Variants in NLRP1 observed in about 807,000 individuals in gnomAD.
The protein encoded by NLRP1 is NACHT, LRR and PYD domains-containing protein 1.
Under a neutral mutation model 136.7 loss-of-function variants are expected in NLRP1, and 94 were observed. The observed-to-expected ratio is 0.69, with a 90% CI of 0.58 to 0.82. NLRP1 has a LOEUF of 0.82. Ranked by LOEUF, NLRP1 falls within the 40% of genes least tolerant of loss-of-function variation. NLRP1 has a pLI of 0.00. For missense variants in NLRP1, 1,575 were observed against 1,802.7 expected, an observed-to-expected ratio of 0.87 and a Z score of 2.29; for synonymous variants, 690 against 725.1, an observed-to-expected ratio of 0.95 and a Z score of 0.78.
At position 5,558,822 on chromosome 17, in the gene NLRP1, CA is replaced by C; in HGVS notation, c.1873del (p.Cys625ValfsTer27). ...IPLSYSFIHL[C>X]FQEFFAAMSY... The stretch of plus-strand genomic sequence containing the variant: ...CATTGCTGCAAAGAACTCTTGGAAA[CA>C]GAGGTGAATGAAGCTGTAGCTCAGA... On this transcript the variant is annotated frameshift_variant, in exon 4 of 17. Transcript: ENST00000572272. LOFTEE classifies it high-confidence loss of function. The C allele has an allele frequency of 6.2e-7, 1 of 1,614,214 alleles. No individual in the cohort carries two copies. Among genetic ancestry groups the C allele is most frequent in the African/African-American group, 1.3e-5 (1 of 75,056 alleles).
chr17:5,530,661 C>A lies in NLRP1; in HGVS notation c.3340G>T (p.Gly1114Cys), dbSNP rs757904290. 12 of 1,614,068 alleles carry A rather than the reference C, an allele frequency of 7.4e-6. No homozygotes were observed. In the East Asian group the frequency reaches 2.2e-4, roughly 30 times the overall value. The change falls in exon 12 of 17, where the codon GGT (glycine) becomes TGT (cysteine). Residue 1114 changes from glycine (G) to cysteine (C), a missense_variant. Physicochemically the swap from Gly to Cys is radical, Grantham distance 159. Transcript: ENST00000572272. ...VAGSYRWPNT[G>C]LCFVMREAVT... ...GCTTCTCTCATCACAAAGCAGAGAC[C>A]CGTGTTGGGCCAGCGGTAGGAGCCA...
chr17:5,553,794 C>T (rs962541603), intron 4 of NLRP1, among the ~76,000 whole-genome samples: 1 of 152,068 alleles, frequency 6.6e-6, no homozygotes, highest in Non-Finnish European at 1.5e-5. Context: ...GAAGTGTTCA[C>T]CTTGTGTGTC....
At chr17:5,510,417 T>A (rs1907565662), downstream of NLRP1, among the ~76,000 whole-genome samples, 1 of 151,476 alleles carries the variant, frequency 6.6e-6, no homozygotes, top group South Asian at 2.1e-4. Flanking sequence ...TGGAGGGCAA[T>A]GGCGTGATCT....
At chr17:5,562,803 T>C (rs10445294) in intron 3 of NLRP1, among the ~76,000 whole-genome samples, 10,053 of 152,236 alleles carry the variant, frequency 0.066, 427 homozygotes, top group African/African-American at 0.11. Flanking sequence ...GTGCCATGTG[T>C]GAGTGAGCAC....
downstream of NLRP1, among the ~76,000 whole-genome samples, chr17:5,510,070 C>CTTTTTTT (rs749349135): frequency 1.3e-5 from 2 of 148,524 alleles, no homozygotes; most frequent in Non-Finnish European, 1.5e-5. Flanking sequence ...TATTCTTCTT[C>CTTTTTTT]TTCTTTTTTT....
At chr17:5,530,433 G>T in intron 12 of NLRP1, 48 bp downstream of exon 12, 1 of 1,524,674 alleles carries the variant, frequency 6.6e-7, no homozygotes, top group Non-Finnish European at 9.1e-7. Flanking sequence ...CTCCCTTTCA[G>T]GCCCATAATT....
rs116415811 is a variant in NLRP1 at position 5,553,108 on chromosome 17, C to A, written c.2528+278G>T. 9.7e-3 allele frequency among the ~76,000 whole-genome samples: 1,473 copies of A among 152,300 alleles called. 27 individuals are homozygous for A. The highest frequency in any genetic ancestry group is 0.032 in the African/African-American group (1,346 of 41,562). ...CTGCCTTCTCCACAGAGCCTTTGTA[C>A]ATGCTATTCTCTTTTCCTGGAACTT... On this transcript the variant is annotated intron_variant, in intron 5 of 16. Transcript: ENST00000572272.
At chr17:5,552,363 T>C (rs1030633246) in intron 5 of NLRP1, among the ~76,000 whole-genome samples, 1 of 152,222 alleles carries the variant, frequency 6.6e-6, no homozygotes, top group African/African-American at 2.4e-5. Context: ...GAATATACTT[T>C]GTATGATTTC....
In NLRP1 at chr17:5,581,922, T is replaced by C; in HGVS notation, c.589A>G (p.Arg197Gly). The stretch of plus-strand genomic sequence containing the variant: ...TGGGTCCCAGGAGCCTCCTGCTCTC[T>C]GGGTGCTAGGCTGGGCTGAGGTGGG... ...GSPPQPSLAP[R>G]EQEAPGTQWP... Residue 197 changes from arginine (R) to glycine (G), a missense_variant, in exon 3 of 17, where the codon AGA becomes GGA. Coordinates refer to ENST00000572272, the MANE Select transcript of NLRP1 (RefSeq NM_033004.4). 6.2e-7 allele frequency: 1 copy of C among 1,613,932 alleles called. No homozygotes were observed. Among genetic ancestry groups the C allele is most frequent in the Non-Finnish European group, 8.5e-7 (1 of 1,179,992 alleles).
chr17:5,515,220 G>C, intron 16 of NLRP1, 147 bp from the exon 17 acceptor site: 1 of 876,780 alleles, frequency 1.1e-6, no homozygotes, highest in East Asian at 2.6e-5. Flanking sequence ...ATCTAGCTTG[G>C]CATTCTGCCA....
rs755043231 is a variant in NLRP1, at chr17:5,583,702, C to T, written c.256G>A (p.Ala86Thr). Residue 86 changes from alanine to threonine, a missense_variant, in exon 1 of 17, where the codon GCC becomes ACC. Transcript: ENST00000572272. This position sits in a 1 kb window ranked among gnomAD's most constrained non-coding sequence, Gnocchi z 4.5. Reference protein sequence around the residue: ...QMGLRSLCAQAQEGAGHSPSF... With the variant: ...QMGLRSLCAQTQEGAGHSPSF... The stretch of plus-strand genomic sequence containing the variant: ...GTCCACTCACCTGCCCCTTCCTGGG[C>T]TTGGGCGCACAGTGACCTCAGCCCC... 2.6e-6 allele frequency: 4 copies of T among 1,554,124 alleles called. No homozygotes were observed. The highest frequency in any genetic ancestry group is 3.5e-6 in the Non-Finnish European group (4 of 1,149,186).
chr17:5,505,981 T>A (rs1907311971), intron 15 of NLRP1: 3 of 152,224 alleles, frequency 2.0e-5, no homozygotes, highest in Admixed American at 2.0e-4. Flanking sequence ...GCCGCTCCTA[T>A]AGAACAAAAA....
rs1196296062 is a variant in NLRP1 at position 5,558,933 on chromosome 17, G to A, written c.1763C>T (p.Pro588Leu). Reference sequence around the variant, plus strand: ...TAACCCATGCTTCCTGAGGTCATCTGGACTGAAAAGGGTCTTTTTTTGCCA... The same window carrying A: ...TAACCCATGCTTCCTGAGGTCATCTAGACTGAAAAGGGTCTTTTTTTGCCA... ...GIWQKKTLFS[P>L]DDLRKHGLDG... The change falls in exon 4 of 17, where the codon CCA becomes CTA. Residue 588 changes from proline to leucine, a missense_variant. Coordinates refer to ENST00000572272, the MANE Select transcript of NLRP1 (RefSeq NM_033004.4). 2.5e-6 allele frequency: 4 copies of A among 1,614,130 alleles called. No homozygotes were observed. The highest frequency in any genetic ancestry group is 2.7e-5 in the African/African-American group (2 of 75,034).
intron 11 of NLRP1, 65 bp downstream of exon 11, chr17:5,532,757 G>A: frequency 6.9e-7 from 1 of 1,440,478 alleles, no homozygotes; most frequent in Non-Finnish European, 9.3e-7. Context: ...ACTGTCTGTG[G>A]GGACCCAGGA....
chr17:5,511,804 TTTCC>T (rs200509607), downstream of NLRP1, among the ~76,000 whole-genome samples: 7 of 141,836 alleles, frequency 4.9e-5, no homozygotes, highest in Admixed American at 1.4e-4. Context: ...CCTTTCTCTC[TTTCC>T]TTCCTTCCTT....
intron 3 of NLRP1, among the ~76,000 whole-genome samples, chr17:5,572,496 C>G (rs986553080): frequency 3.9e-5 from 6 of 152,062 alleles, no homozygotes; most frequent in African/African-American, 1.4e-4. Flanking sequence ...GTGGACAGAT[C>G]ACTTGAGGTG....
Position 5,532,940 on chromosome 17 carries a change from G to T in NLRP1, c.3178C>A (p.Pro1060Thr), listed in dbSNP as rs1910502188. ...AGGTCCCCTTGAGAGGCAGGAGAAG[G>T]CACGCACAAGAGTTCCACCGGTACT... is the stretch of plus-strand genomic sequence containing the variant. Reference protein sequence around the residue: ...EVVPVELLCVPSPASQGDLHT... With the variant: ...EVVPVELLCVTSPASQGDLHT... The change falls in exon 11 of 17, where the codon CCT becomes ACT. Residue 1060 changes from proline (P) to threonine (T), a missense_variant. By Grantham distance (38) the Pro-to-Thr change is conservative (BLOSUM62 -1). Coordinates refer to ENST00000572272, the MANE Select transcript of NLRP1 (RefSeq NM_033004.4). 5 of 1,613,972 alleles carry T rather than the reference G, an allele frequency of 3.1e-6. No individual in the cohort carries two copies. Among genetic ancestry groups the T allele is most frequent in the Non-Finnish European group, 4.2e-6 (5 of 1,179,896 alleles).
At position 5,560,019 on chromosome 17, in the gene NLRP1, TTCTC is replaced by T. The variant is rs757080294; in HGVS notation, c.673_676del (p.Glu225AsnfsTer13). ...CCATGGGGGCCTGCCTTTCTCTGAT[TTCTC>T]TCTCTCTCTTTCTCTGATTTCTAAG... On this transcript the variant is annotated frameshift_variant, in exon 4 of 17. Transcript: ENST00000572272. LOFTEE classifies it high-confidence loss of function. The T allele has an allele frequency of 2.3e-5, 36 of 1,572,274 alleles. No homozygotes were observed. Among genetic ancestry groups the T allele is most frequent in the African/African-American group, 5.5e-5 (4 of 72,730 alleles).
chr17:5,568,762 C>T (rs1035794873), intron 3 of NLRP1, among the ~76,000 whole-genome samples: 2 of 152,124 alleles, frequency 1.3e-5, no homozygotes, highest in Non-Finnish European at 2.9e-5. Context: ...TTAGAGGGCA[C>T]CCTAAGCCCA....
Sources: gnomAD v4.1 joint callset for allele counts (sites outside exome capture counted in the v4.1 genomes callset) on GRCh38, gnomAD v4.1.1 for gene constraint, Gnocchi (gnomAD v3.1) non-coding constraint, MANE v1.5 for transcripts, NCBI Gene and HGNC (gene_info 2026-07-23, HGNC 2026-07-21) for gene names.